Variants in BMPR1B observed in about 807,000 individuals in gnomAD.
The protein encoded by BMPR1B is bone morphogenetic protein receptor type-1B.
BMPR1B carries 12 observed loss-of-function variants against 59.1 expected under a neutral mutation model. That is an observed-to-expected ratio of 0.20 (90% CI 0.13 to 0.33). The LOEUF (loss-of-function observed/expected upper bound fraction) is 0.33, where lower values mean the gene tolerates loss of function less well. Among genes scored for constraint, BMPR1B ranks in the 10% least tolerant of loss-of-function variants. The pLI is 1.00. For synonymous variants in BMPR1B, 237 were observed against 207.3 expected, an observed-to-expected ratio of 1.14 and a Z score of -1.23; for missense variants, 550 against 610.9, an observed-to-expected ratio of 0.90 and a Z score of 1.05.
At position 95,131,290 on chromosome 4, in the gene BMPR1B, G is replaced by C; in HGVS notation, c.854G>C (p.Gly285Ala). The C allele has an allele frequency of 6.2e-7, 1 of 1,613,822 alleles. No individual in the cohort carries two copies. Among genetic ancestry groups the C allele is most frequent in the Non-Finnish European group, 8.5e-7 (1 of 1,179,908 alleles). Residue 285 changes from glycine (G) to alanine (A), a missense_variant, in exon 10 of 13, where the codon GGT becomes GCT. Transcript: ENST00000515059. Reference sequence around the variant, plus strand: ...CTAATCACAGACTATCATGAAAATGGTTCCCTTTATGATTATCTGAAGTCC... The same window carrying C: ...CTAATCACAGACTATCATGAAAATGCTTCCCTTTATGATTATCTGAAGTCC... ...LYLITDYHEN[G>A]SLYDYLKSTT...
intron 1 of BMPR1B, among the ~76,000 whole-genome samples, chr4:94,851,547 G>T (rs993245904): frequency 1.7e-4 from 26 of 152,068 alleles, no homozygotes; most frequent in Middle Eastern, 3.4e-3. Context: ...TCCTTGATAT[G>T]AATTTACTTT....
At chr4:94,862,918 C>G (rs1035910502) in intron 1 of BMPR1B, among the ~76,000 whole-genome samples, 1 of 144,442 alleles carries the variant, frequency 6.9e-6, no homozygotes, top group African/African-American at 2.6e-5. Context: ...GCACTCCAGC[C>G]TGGGGGACAG....
At position 95,155,750 on chromosome 4, in the gene BMPR1B, A is replaced by G. The variant is rs554850187; in HGVS notation, c.*1077A>G. The G allele has an allele frequency of 4.6e-5, 7 of 152,170 alleles. No individual in the cohort carries two copies. Among genetic ancestry groups the G allele is most frequent in the African/African-American group, 1.7e-4 (7 of 41,526 alleles). The allele number at this position is 152,170 out of a possible 1,614,324, so 9.4% of individuals were successfully genotyped here. A position where few individuals can be genotyped will look rare whatever the true frequency, so the allele number is the denominator to read the frequency against. ...ACAAAGAAAAAAGTGTGCATACCTTATTTTGTACAGATAAAGATGATGTCT... is the reference window on the plus strand; with the variant it reads ...ACAAAGAAAAAAGTGTGCATACCTTGTTTTGTACAGATAAAGATGATGTCT... On this transcript the variant is annotated 3_prime_UTR_variant, in exon 13 of 13. Transcript: ENST00000515059.
At chr4:94,870,481 CTG>C (rs1237001858) in intron 1 of BMPR1B, among the ~76,000 whole-genome samples, 1 of 151,220 alleles carries the variant, frequency 6.6e-6, no homozygotes, top group Non-Finnish European at 1.5e-5. Flanking sequence ...ATAAAAGAAA[CTG>C]TCAGCTCTAA....
chr4:94,765,727 C>T (rs28713723), intron 1 of BMPR1B, among the ~76,000 whole-genome samples: 5,129 of 152,156 alleles, frequency 0.034, 156 homozygotes, highest in East Asian at 0.083. Context: ...ATGAGCTATT[C>T]GACTAATCCA....
intron 3 of BMPR1B, among the ~76,000 whole-genome samples, chr4:95,040,304 G>A (rs1361526944): frequency 6.6e-6 from 1 of 152,166 alleles, no homozygotes; most frequent in Non-Finnish European, 1.5e-5. Flanking sequence ...AGATAAGAGT[G>A]ATACTTTAAA....
chr4:94,945,950 A>G (rs1729694834), intron 2 of BMPR1B, among the ~76,000 whole-genome samples: 1 of 152,272 alleles, frequency 6.6e-6, no homozygotes, highest in South Asian at 2.1e-4. Context: ...TAGAATAGCT[A>G]AGTGATAACT....
At chr4:94,850,999 A>G (rs907831129) in intron 1 of BMPR1B, among the ~76,000 whole-genome samples, 1 of 152,134 alleles carries the variant, frequency 6.6e-6, no homozygotes, top group Non-Finnish European at 1.5e-5. Flanking sequence ...TAATCACTAA[A>G]CGTTTATTAG....
intron 2 of BMPR1B, among the ~76,000 whole-genome samples, chr4:94,971,880 TA>T (rs976169446): frequency 2.6e-5 from 4 of 151,896 alleles, no homozygotes; most frequent in Non-Finnish European, 4.4e-5. Context: ...AAAGATGCTA[TA>T]AATAAAAGTT....
chr4:94,826,591 C>G (rs1724392573), intron 1 of BMPR1B, among the ~76,000 whole-genome samples: 1 of 151,650 alleles, frequency 6.6e-6, no homozygotes, highest in African/African-American at 2.4e-5. Context: ...ATTACTTTAC[C>G]ATTTTTAAGG....
Position 94,934,063 on chromosome 4 carries a change from T to G in BMPR1B, c.-113+58163T>G, listed in dbSNP as rs183725447. 2.5e-3 allele frequency among the ~76,000 whole-genome samples: 388 copies of G among 152,284 alleles called. 1 individual carries two copies. The highest frequency in any genetic ancestry group is 4.9e-3 in the Non-Finnish European group (332 of 68,010). On this transcript the variant is annotated intron_variant, in intron 2 of 12. Transcript: ENST00000515059. ...AAGGTGAACAATAACTGATAGTCTC[T>G]TTCTCTGTGCATATGTGCATGAGTG...
intron 3 of BMPR1B, among the ~76,000 whole-genome samples, chr4:95,071,028 G>T (rs530467375): frequency 4.7e-4 from 72 of 152,164 alleles, no homozygotes; most frequent in African/African-American, 1.7e-3. Context: ...CAGAATCCAT[G>T]TAATGAAAAA....
intron 1 of BMPR1B, among the ~76,000 whole-genome samples, chr4:94,775,222 A>G (rs1041717657): frequency 6.6e-6 from 1 of 151,962 alleles, no homozygotes; most frequent in African/African-American, 2.4e-5. Context: ...ATAAATGTTC[A>G]CTCTTGTTCT....
At position 94,978,998 on chromosome 4, in the gene BMPR1B, T is replaced by C. The variant is rs539174379; in HGVS notation, c.-112-17042T>C. Among the ~76,000 whole-genome samples the C allele has an allele frequency of 8.9e-4, 135 of 151,188 alleles. 1 individual carries two copies. The highest frequency in any genetic ancestry group is 1.2e-3 in the Admixed American group (18 of 15,224). On this transcript the variant is annotated intron_variant, in intron 2 of 12. Coordinates refer to ENST00000515059, the MANE Select transcript of BMPR1B (RefSeq NM_001203.3). ...CACACACGAAAGGTAAGAGTAGAAG[T>C]TGTCATCATTTTAGCTCATATGCAG...
At chr4:94,840,248 G>A (rs1455919950) in intron 1 of BMPR1B, among the ~76,000 whole-genome samples, 1 of 147,438 alleles carries the variant, frequency 6.8e-6, no homozygotes, top group Non-Finnish European at 1.5e-5. Context: ...TCTTGGAGTT[G>A]CTCTTCTCGA....
chr4:94,998,670 G>A (rs1319360250), intron 3 of BMPR1B, among the ~76,000 whole-genome samples: 1 of 152,046 alleles, frequency 6.6e-6, no homozygotes, highest in African/African-American at 2.4e-5. Flanking sequence ...ACCACGCCCA[G>A]CCTGCTGCAT....
At chr4:94,991,255 G>A (rs1721736587) in intron 2 of BMPR1B, among the ~76,000 whole-genome samples, 1 of 151,896 alleles carries the variant, frequency 6.6e-6, no homozygotes, top group African/African-American at 2.4e-5. Context: ...GTTGATTTTT[G>A]TTTACTTCTC....
At chr4:94,917,020 A>G (rs1728509267) in intron 2 of BMPR1B, among the ~76,000 whole-genome samples, 1 of 152,254 alleles carries the variant, frequency 6.6e-6, no homozygotes, top group Admixed American at 6.5e-5. Flanking sequence ...GGAGAATGCA[A>G]GCCATAAGCC....
chr4:95,105,637 A>T (rs190198513), intron 4 of BMPR1B, among the ~76,000 whole-genome samples: 1 of 152,152 alleles, frequency 6.6e-6, no homozygotes, highest in African/African-American at 2.4e-5. Flanking sequence ...GTATTCATAA[A>T]TATATATCTC....
Sources: allele counts gnomAD v4.1 joint callset (sites outside exome capture counted in the v4.1 genomes callset), GRCh38; gene constraint gnomAD v4.1.1; transcripts MANE v1.5; gene names NCBI Gene and HGNC (gene_info 2026-07-23, HGNC 2026-07-21).